Variants in ARHGAP26 observed in about 807,000 individuals in gnomAD.
ARHGAP26 encodes the protein Rho GTPase activating protein 26.
A neutral mutation model predicts 104.8 loss-of-function variants in ARHGAP26; 38 were observed. The ratio of observed to expected loss-of-function variants is 0.36; its 90% CI spans 0.28 to 0.48. ARHGAP26 has a LOEUF of 0.48. ARHGAP26 is among the 20% of genes least tolerant of loss of function. The pLI is 0.99. For missense variants in ARHGAP26, 704 were observed against 947.9 expected (o/e 0.74, Z 3.38); for synonymous variants, 341 against 340.0 (o/e 1.00, Z -0.03).
In ARHGAP26 at chr5:142,770,665, G is replaced by T. The variant is rs1326974799; in HGVS notation, c.-97G>T. On this transcript the variant is annotated 5_prime_UTR_variant, in exon 1 of 23. Transcript: ENST00000645722. ...ACACCTGTGGAGCCGGCGGCCGTCG[G>T]GGGAGCCGGCCGGGGTCCCGCCGCG... The T allele has an allele frequency of 1.9e-5, 18 of 932,906 alleles. No homozygotes were observed. The African/African-American group carries it at 2.7e-4, about 14-fold the overall frequency. The allele number at this position is 932,906 out of a possible 1,614,324, so 57.8% of individuals were successfully genotyped here.
intron 1 of ARHGAP26, among the ~76,000 whole-genome samples, chr5:142,828,757 T>C (rs1767806629): frequency 6.6e-6 from 1 of 152,094 alleles, no homozygotes; most frequent in African/African-American, 2.4e-5. Flanking sequence ...TTTTGAGGGG[T>C]TGGCAACTCT....
intron 11 of ARHGAP26, among the ~76,000 whole-genome samples, chr5:142,986,123 A>G (rs1292394784): frequency 1.3e-5 from 2 of 152,360 alleles, no homozygotes; most frequent in South Asian, 2.1e-4. Flanking sequence ...AGTCCCACCA[A>G]CAGCGTAAAA....
intron 21 of ARHGAP26, among the ~76,000 whole-genome samples, chr5:143,212,154 G>C (rs1257441072): frequency 6.6e-6 from 1 of 152,056 alleles, no homozygotes. Flanking sequence ...TTACCCACCT[G>C]CTCTGCCCTG....
intron 1 of ARHGAP26, among the ~76,000 whole-genome samples, chr5:142,853,234 G>A (rs1368983880): frequency 6.6e-6 from 1 of 151,982 alleles, no homozygotes; most frequent in East Asian, 1.9e-4. Flanking sequence ...GCCTAGGCTG[G>A]AGTGCACTGT....
chr5:143,186,778 A>G (rs853159), intron 20 of ARHGAP26, among the ~76,000 whole-genome samples: 24,658 of 152,192 alleles, frequency 0.16, 2,325 homozygotes, highest in East Asian at 0.41. Context: ...CTGTGCAGAC[A>G]CAGTGACAGG....
chr5:143,173,052 A>G (rs552025872), intron 20 of ARHGAP26: 12 of 177,506 alleles, frequency 6.8e-5, no homozygotes, highest in Non-Finnish European at 1.5e-4. Flanking sequence ...ACCTGCACCC[A>G]GGTTTCTTTA....
intron 17 of ARHGAP26, among the ~76,000 whole-genome samples, chr5:143,088,944 G>A (rs1163601508): frequency 1.3e-5 from 2 of 152,154 alleles, no homozygotes; most frequent in African/African-American, 4.8e-5. Flanking sequence ...ATGAGTCAGG[G>A]TGGAGCAGGT....
At chr5:143,049,367 T>G (rs1292625849) in intron 14 of ARHGAP26, among the ~76,000 whole-genome samples, 1 of 152,306 alleles carries the variant, frequency 6.6e-6, no homozygotes, top group Middle Eastern at 3.4e-3. Context: ...TTTTAACTTT[T>G]TGTAATGGAT....
intron 18 of ARHGAP26, among the ~76,000 whole-genome samples, chr5:143,133,531 TAAGA>T (rs1272064468): frequency 1.3e-5 from 2 of 152,242 alleles, no homozygotes; most frequent in African/African-American, 4.8e-5. Flanking sequence ...TTTCACAGTT[TAAGA>T]AAGTTGTGAA....
At chr5:142,987,049 G>T (rs192392476) in intron 11 of ARHGAP26, among the ~76,000 whole-genome samples, 15 of 152,270 alleles carry the variant, frequency 9.9e-5, no homozygotes, top group Non-Finnish European at 1.3e-4. Flanking sequence ...GAAAGTCATT[G>T]GTGGGGATGG....
intron 19 of ARHGAP26, among the ~76,000 whole-genome samples, chr5:143,136,138 G>A (rs535250149): frequency 4.4e-4 from 67 of 152,342 alleles, no homozygotes; most frequent in Non-Finnish European, 6.8e-4. Context: ...TTAGAATGAA[G>A]CAGAAGCAGC....
intron 4 of ARHGAP26, among the ~76,000 whole-genome samples, chr5:142,885,052 G>A (rs918254072): frequency 2.6e-5 from 4 of 152,192 alleles, no homozygotes; most frequent in Admixed American, 2.6e-4. Flanking sequence ...GGGAATCTTG[G>A]CTTTGCCACC....
intron 11 of ARHGAP26, among the ~76,000 whole-genome samples, chr5:142,946,408 T>A (rs1364101989): frequency 6.6e-6 from 1 of 152,186 alleles, no homozygotes; most frequent in Non-Finnish European, 1.5e-5. Flanking sequence ...GGGCAGTGAT[T>A]TGTGGGAGTG....
At chr5:142,979,121 G>A (rs1168805489) in intron 11 of ARHGAP26, among the ~76,000 whole-genome samples, 8 of 152,102 alleles carry the variant, frequency 5.3e-5, no homozygotes, top group African/African-American at 1.4e-4. Flanking sequence ...ATGATATCAA[G>A]GAATTATTAA....
intron 11 of ARHGAP26, among the ~76,000 whole-genome samples, chr5:142,963,955 G>A (rs1459040485): frequency 6.6e-6 from 1 of 152,180 alleles, no homozygotes; most frequent in Non-Finnish European, 1.5e-5. Context: ...CAGAATTCAC[G>A]AGAAAGCAAA....
chr5:143,083,298 C>CT (rs1418677591), intron 17 of ARHGAP26, among the ~76,000 whole-genome samples: 1 of 152,186 alleles, frequency 6.6e-6, no homozygotes, highest in African/African-American at 2.4e-5. Context: ...AGTAACCGGC[C>CT]TAATGATCAG....
chr5:143,084,498 A>G (rs1598937575), intron 17 of ARHGAP26, among the ~76,000 whole-genome samples: 1 of 152,302 alleles, frequency 6.6e-6, no homozygotes, highest in Non-Finnish European at 1.5e-5. Flanking sequence ...TTATGGCCTG[A>G]GTTTCCACAG....
chr5:142,992,021 C>G (rs1775692103), intron 11 of ARHGAP26, among the ~76,000 whole-genome samples: 2 of 151,502 alleles, frequency 1.3e-5, no homozygotes, highest in Non-Finnish European at 2.9e-5. Context: ...TTAACTTTTT[C>G]AAAAAGTAAA....
At chr5:143,034,065 C>G (rs939841267) in intron 12 of ARHGAP26, among the ~76,000 whole-genome samples, 1 of 152,124 alleles carries the variant, frequency 6.6e-6, no homozygotes, top group Non-Finnish European at 1.5e-5. Context: ...CTCTTGACAC[C>G]CACTAGGATG....
Sources: gnomAD v4.1 joint callset for allele counts (sites outside exome capture counted in the v4.1 genomes callset) on GRCh38, gnomAD v4.1.1 for gene constraint, MANE v1.5 for transcripts, NCBI Gene and HGNC (gene_info 2026-07-23, HGNC 2026-07-21) for gene names.